The following MCF2L variants were observed in gnomAD, a reference collection of about 807,000 sequenced individuals.
The protein encoded by MCF2L is MCF.2 cell line derived transforming sequence like.
A neutral mutation model predicts 153.4 loss-of-function variants in MCF2L; 97 were observed. The observed-to-expected ratio is 0.63, with a 90% CI of 0.54 to 0.75. The LOEUF is 0.75. Among genes scored for constraint, MCF2L ranks in the 30% least tolerant of loss-of-function variants. The probability of loss-of-function intolerance (pLI) is 0.00; values close to 1 mark genes in which losing one functional copy is unlikely to be tolerated. For synonymous variants in MCF2L, 659 were observed against 632.2 expected (o/e 1.04, Z -0.64); for missense variants, 1,347 against 1,495.2 (o/e 0.90, Z 1.64).
At position 113,075,145 on chromosome 13, in the gene MCF2L, G is replaced by A. The variant is rs563320730; in HGVS notation, c.1264G>A (p.Gly422Arg). ...QFSAEIARRR[G>R]LLSKSLELHR... Reference sequence around the variant, plus strand: ...CTCTGCGGAGATCGCAAGGAGGAGGGGGCTGCTCAGCAAGTCCCTGGAGCT... The same window carrying A: ...CTCTGCGGAGATCGCAAGGAGGAGGAGGCTGCTCAGCAAGTCCCTGGAGCT... Residue 422 changes from glycine to arginine, a missense_variant, in exon 11 of 30, where the codon GGG becomes AGG. Gly to Arg is a moderately radical substitution (Grantham distance 125). Transcript: ENST00000535094. 6.2e-6 allele frequency: 10 copies of A among 1,612,030 alleles called. No homozygotes were observed. The Admixed American group carries it at 1.7e-4, about 27-fold the overall frequency.
At chr13:112,982,078 G>A (rs1007929243) in intron 1 of MCF2L, among the ~76,000 whole-genome samples, 1 of 152,170 alleles carries the variant, frequency 6.6e-6, no homozygotes, top group African/African-American at 2.4e-5. Flanking sequence ...CTTGTCTGAG[G>A]GGTCGGGCAG....
At chr13:113,066,771 G>A (rs993061589) in intron 8 of MCF2L, among the ~76,000 whole-genome samples, 2 of 144,584 alleles carry the variant, frequency 1.4e-5, no homozygotes, top group Admixed American at 7.2e-5. Flanking sequence ...GTCCCATCTC[G>A]CTGGTGGGTG....
At chr13:112,956,759 G>A (rs1377330738) in intron 2 of MCF2L, 2 of 152,258 alleles carry the variant, frequency 1.3e-5, no homozygotes, top group African/African-American at 2.4e-5. Flanking sequence ...TTTGAGGCCA[G>A]GTCTGCTGGG....
At chr13:113,079,065 C>A (rs537358853) in intron 15 of MCF2L, among the ~76,000 whole-genome samples, 1 of 150,928 alleles carries the variant, frequency 6.6e-6, no homozygotes, top group African/African-American at 2.4e-5. Flanking sequence ...TCACAGGAGA[C>A]ACCACTCAAA....
At chr13:112,999,349 G>A (rs888809934) in intron 1 of MCF2L, among the ~76,000 whole-genome samples, 5 of 149,952 alleles carry the variant, frequency 3.3e-5, no homozygotes, top group East Asian at 2.0e-4. Context: ...CTGATTTCTC[G>A]GGGTCCTTGC....
intron 3 of MCF2L, chr13:113,034,169 C>T (rs2085985621): frequency 7.7e-6 from 1 of 129,134 alleles, no homozygotes; most frequent in Non-Finnish European, 1.6e-5. Context: ...ATGCGTCTGG[C>T]TCTGTCGCCC....
intron 2 of MCF2L, among the ~76,000 whole-genome samples, chr13:112,953,929 G>A (rs558647099): frequency 2.0e-5 from 3 of 152,346 alleles, no homozygotes; most frequent in East Asian, 1.9e-4. Context: ...TTTCCAGGTC[G>A]CATATGAGTG....
At chr13:112,931,494 A>T (rs1256844136) in intron 2 of MCF2L, among the ~76,000 whole-genome samples, 1 of 152,176 alleles carries the variant, frequency 6.6e-6, no homozygotes, top group Non-Finnish European at 1.5e-5. Flanking sequence ...GTGCGGCGTC[A>T]GTGTGAACTG....
At chr13:113,055,127 A>G (rs961265458) in intron 4 of MCF2L, among the ~76,000 whole-genome samples, 4 of 152,142 alleles carry the variant, frequency 2.6e-5, no homozygotes, top group Non-Finnish European at 4.4e-5. Flanking sequence ...ATTTGCTGTT[A>G]TATTTATTCA....
At chr13:113,093,082 G>T (rs537833968) in intron 26 of MCF2L, among the ~76,000 whole-genome samples, 2 of 152,208 alleles carry the variant, frequency 1.3e-5, no homozygotes, top group Non-Finnish European at 2.9e-5. Context: ...GAGGCCCCAC[G>T]TGCGGTGCCT....
intron 4 of MCF2L, among the ~76,000 whole-genome samples, chr13:113,059,984 G>A (rs1043316041): frequency 2.0e-5 from 3 of 152,272 alleles, no homozygotes; most frequent in African/African-American, 7.2e-5. Flanking sequence ...GCGCACAGAA[G>A]CTGTTCCCTC....
In MCF2L at chr13:112,969,568, G is replaced by C. The variant is rs1021068448; in HGVS notation, c.79+110G>C. 31 of 1,505,396 alleles carry C rather than the reference G, an allele frequency of 2.1e-5. 1 individual carries two copies. Among genetic ancestry groups the C allele is most frequent in the Admixed American group, 4.0e-5 (2 of 49,400 alleles). 93.3% of individuals were successfully genotyped at this position (1,505,396 alleles called of 1,614,324 possible). On this transcript the variant is annotated intron_variant, in intron 1 of 29. Coordinates refer to ENST00000535094, the MANE Select transcript of MCF2L (RefSeq NM_001112732.3). This position sits in a 1 kb window ranked among gnomAD's most constrained non-coding sequence, Gnocchi z 4.8. ...TAAGCCGCCCTCGTGTTCCTTTCTA[G>C]CCGTGGTAGCTGTGACATGGGGGGC...
intron 17 of MCF2L, among the ~76,000 whole-genome samples, chr13:113,082,810 G>A (rs559606864): frequency 7.9e-5 from 12 of 152,276 alleles, no homozygotes; most frequent in African/African-American, 2.9e-4. Context: ...CTGAGCCCGA[G>A]TGCGCCCTGT....
chr13:113,096,089 G>A (rs1005560438), intron 27 of MCF2L: 2 of 544,676 alleles, frequency 3.7e-6, no homozygotes, highest in Non-Finnish European at 6.5e-6. Flanking sequence ...GGGTATGCAG[G>A]CGCAAAGGCC....
At chr13:113,077,335 C>T in intron 13 of MCF2L, 124 bp downstream of exon 13, 2 of 1,130,858 alleles carry the variant, frequency 1.8e-6, no homozygotes, top group East Asian at 2.7e-5. Context: ...CCTCCCCTTC[C>T]ACCTCCGGGC....
rs757972824 is a variant in MCF2L at position 113,074,556 on chromosome 13, A to G, written c.1109A>G (p.Lys370Arg). 6.2e-7 allele frequency: 1 copy of G among 1,613,738 alleles called. No individual in the cohort carries two copies. The highest frequency in any genetic ancestry group is 1.7e-5 in the Admixed American group (1 of 60,030). The change falls in exon 10 of 30, where the codon AAA becomes AGA. Residue 370 changes from lysine (K) to arginine (R), a missense_variant. Physicochemically the swap from Lys to Arg is conservative, Grantham distance 26. This residue lies in a region of MCF2L where 820 missense variants were observed against 921.2 expected (regional missense o/e 0.89). Transcript: ENST00000535094. This position sits in a 1 kb window ranked among gnomAD's most constrained non-coding sequence, Gnocchi z 4.2. ...LLRDLASFEE[K>R]SGVAVERARA... ...AGGGACCTGGCCAGCTTCGAGGAGA[A>G]ATCAGGCGTAAGGCGGGGTCCCGGC...
rs537245891 is a variant in MCF2L at position 112,936,496 on chromosome 13, G to T, written c.169+34125G>T. On this transcript the variant is annotated intron_variant, in intron 2 of 29. Coordinates refer to the MCF2L transcript ENST00000375608. ...TTTGGGTGAAAGGCTTTGATCTAAT[G>T]CTGGTTATTTGGGAAAAGGTGTTTT... Among the ~76,000 whole-genome samples the T allele has an allele frequency of 4.6e-5, 7 of 152,278 alleles. No homozygotes were observed. The East Asian group carries it at 1.3e-3, about 29-fold the overall frequency.
At position 112,910,934 on chromosome 13, in the gene MCF2L, C is replaced by T. The variant is rs9577399; in HGVS notation, c.169+8563C>T. The stretch of plus-strand genomic sequence containing the variant: ...TTCTGCTGGAGGCACCTTGGAGAAA[C>T]AGCTGCGTGTAAATGAAGCCGCAGC... On this transcript the variant is annotated intron_variant, in intron 2 of 29. Transcript: ENST00000375608. 4.0e-4 allele frequency among the ~76,000 whole-genome samples: 60 copies of T among 149,206 alleles called. No homozygotes were observed. In the East Asian group the frequency reaches 0.011, roughly 27 times the overall value.
chr13:113,020,754 C>T (rs762091319), intron 2 of MCF2L, among the ~76,000 whole-genome samples: 2 of 152,268 alleles, frequency 1.3e-5, no homozygotes, highest in South Asian at 2.1e-4. Flanking sequence ...GACAGACATC[C>T]AGTCCATAAC....
Sources: allele counts gnomAD v4.1 joint callset (sites outside exome capture counted in the v4.1 genomes callset), GRCh38; gene constraint gnomAD v4.1.1; regional missense constraint gnomAD v4.1.1; non-coding constraint Gnocchi (gnomAD v3.1); transcripts MANE v1.5; gene names NCBI Gene and HGNC (gene_info 2026-07-23, HGNC 2026-07-21).